Variants in CNTNAP2 observed in about 807,000 individuals in gnomAD.
The protein encoded by CNTNAP2 is contactin associated protein 2.
A neutral mutation model predicts 155.2 loss-of-function variants in CNTNAP2; 98 were observed. The observed-to-expected ratio is 0.63, with a 90% CI of 0.54 to 0.75. CNTNAP2 has a LOEUF of 0.75. Ranked by LOEUF, CNTNAP2 falls within the 30% of genes least tolerant of loss-of-function variation. CNTNAP2 has a pLI of 0.00. For synonymous variants in CNTNAP2, 651 were observed against 631.2 expected, an observed-to-expected ratio of 1.03 and a Z score of -0.47; for missense variants, 1,727 against 1,688.1, an observed-to-expected ratio of 1.02 and a Z score of -0.40.
At chr7:148,138,049 C>T (rs1804995005) in intron 16 of CNTNAP2, among the ~76,000 whole-genome samples, 1 of 152,178 alleles carries the variant, frequency 6.6e-6, no homozygotes, top group Admixed American at 6.5e-5. Flanking sequence ...GAGAAAAATA[C>T]TACCTGTGAT....
intron 18 of CNTNAP2, chr7:148,190,510 T>G (rs1795187962): frequency 6.6e-6 from 1 of 152,242 alleles, no homozygotes; most frequent in Admixed American, 6.5e-5. Flanking sequence ...CTAAATCCTT[T>G]GTATTAGTCT....
intron 13 of CNTNAP2, among the ~76,000 whole-genome samples, chr7:147,774,932 C>T (rs1797534669): frequency 6.6e-6 from 1 of 151,844 alleles, no homozygotes. Context: ...TCAGTATATA[C>T]CAGAACTAAA....
chr7:146,668,708 C>T (rs1800243998), intron 1 of CNTNAP2, among the ~76,000 whole-genome samples: 1 of 152,060 alleles, frequency 6.6e-6, no homozygotes, highest in African/African-American at 2.4e-5. Flanking sequence ...TTTTCTCCTT[C>T]TTCCTGGTCC....
At chr7:148,286,474 A>G (rs901202133) in intron 21 of CNTNAP2, among the ~76,000 whole-genome samples, 2 of 152,180 alleles carry the variant, frequency 1.3e-5, no homozygotes, top group East Asian at 3.8e-4. Flanking sequence ...AAGTCAAACA[A>G]TAAGGAAAGG....
intron 1 of CNTNAP2, among the ~76,000 whole-genome samples, chr7:146,295,876 A>G (rs953786103): frequency 1.3e-5 from 2 of 149,402 alleles, no homozygotes; most frequent in African/African-American, 2.4e-5. Flanking sequence ...CTCCATCTCA[A>G]AAAAAAAAAA....
At chr7:146,880,466 T>A (rs1274579389) in intron 3 of CNTNAP2, among the ~76,000 whole-genome samples, 1 of 151,980 alleles carries the variant, frequency 6.6e-6, no homozygotes, top group African/African-American at 2.4e-5. Context: ...GAAATAAATG[T>A]TTGTTTAAGC....
chr7:148,375,325 AAT>A (rs575817201), intron 21 of CNTNAP2, among the ~76,000 whole-genome samples: 3 of 147,748 alleles, frequency 2.0e-5, no homozygotes, highest in Non-Finnish European at 4.5e-5. Flanking sequence ...ATAAAATATA[AAT>A]ATATATATTT....
At chr7:147,157,691 ATTGTT>A (rs1255040919) in intron 8 of CNTNAP2, among the ~76,000 whole-genome samples, 1 of 152,078 alleles carries the variant, frequency 6.6e-6, no homozygotes, top group East Asian at 1.9e-4. Context: ...CTCATTTGTC[ATTGTT>A]TTGCAAGATC....
At chr7:148,354,398 G>A (rs1228046395) in intron 21 of CNTNAP2, among the ~76,000 whole-genome samples, 1 of 152,014 alleles carries the variant, frequency 6.6e-6, no homozygotes, top group African/African-American at 2.4e-5. Flanking sequence ...ATTCCATTGG[G>A]ATTTGGACAC....
chr7:147,138,516 T>C (rs575068098), intron 8 of CNTNAP2, among the ~76,000 whole-genome samples: 1 of 152,108 alleles, frequency 6.6e-6, no homozygotes, highest in South Asian at 2.1e-4. Flanking sequence ...CTTTTTATTA[T>C]ATATCAATTC....
At chr7:147,029,854 C>T (rs576861630) in intron 3 of CNTNAP2, among the ~76,000 whole-genome samples, 192 of 152,292 alleles carry the variant, frequency 1.3e-3, no homozygotes, top group African/African-American at 4.4e-3. Flanking sequence ...ATTTACCTTG[C>T]TATCACAAAT....
chr7:147,907,181 C>T (rs990597364), intron 14 of CNTNAP2, among the ~76,000 whole-genome samples: 1 of 152,034 alleles, frequency 6.6e-6, no homozygotes, highest in African/African-American at 2.4e-5. Flanking sequence ...CTCAGCCTCC[C>T]GAGTAGCTGG....
At chr7:148,176,556 C>T (rs964496003) in intron 18 of CNTNAP2, among the ~76,000 whole-genome samples, 2 of 152,078 alleles carry the variant, frequency 1.3e-5, no homozygotes, top group African/African-American at 2.4e-5. Flanking sequence ...AAGATTTGAC[C>T]ACCAGTTAAA....
intron 4 of CNTNAP2, among the ~76,000 whole-genome samples, chr7:147,106,409 C>T (rs897229792): frequency 6.6e-6 from 1 of 152,012 alleles, no homozygotes; most frequent in African/African-American, 2.4e-5. Context: ...GTTTAATTGG[C>T]TTTGCAGTGT....
chr7:146,149,879 G>GAAAAAAAAAAAA (rs377385260), intron 1 of CNTNAP2, among the ~76,000 whole-genome samples: 1 of 59,512 alleles, frequency 1.7e-5, no homozygotes, highest in Non-Finnish European at 3.3e-5. Flanking sequence ...TAGCCACAAA[G>GAAAAAAAAAAAA]AAAAAAAAAA....
At chr7:146,133,401 G>C (rs1441310759) in intron 1 of CNTNAP2, among the ~76,000 whole-genome samples, 1 of 152,128 alleles carries the variant, frequency 6.6e-6, no homozygotes, top group Non-Finnish European at 1.5e-5. Flanking sequence ...TTGCTGTGCA[G>C]AAGCTCTTTA....
intron 1 of CNTNAP2, among the ~76,000 whole-genome samples, chr7:146,371,371 T>G (rs906003974): frequency 7.4e-6 from 1 of 134,566 alleles, no homozygotes; most frequent in Non-Finnish European, 1.6e-5. Context: ...ATTAGTTTTT[T>G]TTTTTTTTTT....
At chr7:147,109,753 G>A (rs918172591) in intron 5 of CNTNAP2, among the ~76,000 whole-genome samples, 4 of 151,916 alleles carry the variant, frequency 2.6e-5, no homozygotes, top group East Asian at 1.9e-4. Flanking sequence ...AATGAAAGGC[G>A]TTAAGTAAAT....
intron 9 of CNTNAP2, among the ~76,000 whole-genome samples, chr7:147,306,128 G>C (rs529975831): frequency 5.9e-5 from 9 of 152,244 alleles, no homozygotes; most frequent in African/African-American, 2.2e-4. Context: ...TTCACAGTTA[G>C]GACTTCAGTG....
Sources: gnomAD v4.1 joint callset for allele counts (sites outside exome capture counted in the v4.1 genomes callset) on GRCh38, gnomAD v4.1.1 for gene constraint, MANE v1.5 for transcripts, NCBI Gene and HGNC (gene_info 2026-07-23, HGNC 2026-07-21) for gene names.